The following PCDHA11 variants were observed in gnomAD, a reference collection of about 807,000 sequenced individuals.
PCDHA11 encodes the protein protocadherin alpha-11.
In PCDHA11, 61 loss-of-function variants were observed where a neutral mutation model predicts 70.3. The ratio of observed to expected loss-of-function variants is 0.87; its 90% CI spans 0.71 to 1.07. The LOEUF is 1.07. Ranked by LOEUF, PCDHA11 falls within the 50% of genes least tolerant of loss-of-function variation. PCDHA11 has a pLI of 0.00. For synonymous variants in PCDHA11, 633 were observed against 555.1 expected (o/e 1.14, Z -1.97); for missense variants, 1,324 against 1,237.5 (o/e 1.07, Z -1.05).
intron 1 of PCDHA11, among the ~76,000 whole-genome samples, chr5:140,924,240 G>T (rs1554201838): frequency 2.6e-5 from 4 of 152,186 alleles, no homozygotes; most frequent in Non-Finnish European, 5.9e-5. Flanking sequence ...GGGCTGTTTT[G>T]CATCCTGGTG....
intron 1 of PCDHA11, among the ~76,000 whole-genome samples, chr5:140,962,883 T>C (rs570394633): frequency 5.6e-4 from 86 of 152,222 alleles, no homozygotes; most frequent in Non-Finnish European, 1.0e-3. Flanking sequence ...ATACATGAAT[T>C]AAAAAATGAA....
intron 3 of PCDHA11, among the ~76,000 whole-genome samples, chr5:140,996,644 A>G (rs2097736322): frequency 6.6e-6 from 1 of 152,144 alleles, no homozygotes; most frequent in Non-Finnish European, 1.5e-5. Flanking sequence ...TATGTAGTTA[A>G]TCCTGGGTGC....
chr5:140,908,998 C>G (rs2074255436), intron 1 of PCDHA11, among the ~76,000 whole-genome samples: 1 of 152,156 alleles, frequency 6.6e-6, no homozygotes, highest in South Asian at 2.1e-4. Flanking sequence ...AGAAATTTTA[C>G]TGAGGTAGAA....
At chr5:140,998,977 ATAG>A (rs2097842205) in intron 3 of PCDHA11, among the ~76,000 whole-genome samples, 1 of 152,242 alleles carries the variant, frequency 6.6e-6, no homozygotes, top group African/African-American at 2.4e-5. Flanking sequence ...ATCCTAGAAA[ATAG>A]TAGAAAGCAG....
chr5:141,002,917 T>C (rs572461368), intron 3 of PCDHA11, among the ~76,000 whole-genome samples: 1 of 152,310 alleles, frequency 6.6e-6, no homozygotes, highest in East Asian at 1.9e-4. Context: ...ATCAGAAAAG[T>C]GAACACCCTC....
intron 1 of PCDHA11, among the ~76,000 whole-genome samples, chr5:140,977,306 C>T (rs995052680): frequency 6.6e-6 from 1 of 152,150 alleles, no homozygotes; most frequent in African/African-American, 2.4e-5. Context: ...GACAAGCTAA[C>T]GATAGTGCTC....
At chr5:140,910,690 G>T (rs2153515620) in intron 1 of PCDHA11, among the ~76,000 whole-genome samples, 1 of 152,224 alleles carries the variant, frequency 6.6e-6, no homozygotes, top group African/African-American at 2.4e-5. Context: ...GGCATTTCCA[G>T]CTTGCTCACA....
chr5:140,877,844 G>A lies in PCDHA11; in HGVS notation c.2391+6350G>A, dbSNP rs945643108. The A allele has an allele frequency of 5.1e-6, 8 of 1,568,656 alleles. No homozygotes were observed. In the African/African-American group the frequency reaches 8.3e-5, roughly 16 times the overall value. ...TGTTTAAATCCTCCCAGTGAAGTAA[G>A]TTATTAATATTATTTAGATATATTT... On this transcript the variant is annotated intron_variant, in intron 1 of 3. Coordinates refer to ENST00000398640, the MANE Select transcript of PCDHA11 (RefSeq NM_018902.5).
At chr5:140,976,894 CAGT>C (rs1199753516) in intron 1 of PCDHA11, among the ~76,000 whole-genome samples, 1 of 152,132 alleles carries the variant, frequency 6.6e-6, no homozygotes, top group African/African-American at 2.4e-5. Context: ...ATACATGCAA[CAGT>C]ATGTAATAAA....
intron 1 of PCDHA11, among the ~76,000 whole-genome samples, chr5:140,977,949 G>A (rs919613337): frequency 2.6e-5 from 4 of 152,036 alleles, no homozygotes; most frequent in Admixed American, 6.6e-5. Context: ...TTCAGTGACA[G>A]GGCCACCTCA....
chr5:140,943,998 G>C (rs2093593066), intron 1 of PCDHA11, among the ~76,000 whole-genome samples: 1 of 152,178 alleles, frequency 6.6e-6, no homozygotes, highest in Non-Finnish European at 1.5e-5. Context: ...CAGAACTACT[G>C]AGTACCCCCC....
intron 1 of PCDHA11, among the ~76,000 whole-genome samples, chr5:140,900,319 C>T (rs1032725241): frequency 3.3e-5 from 5 of 152,046 alleles, no homozygotes; most frequent in Non-Finnish European, 7.3e-5. Flanking sequence ...CTTTTGTCGC[C>T]CAGGCTGGAG....
chr5:140,947,569 A>G (rs2094145868), intron 1 of PCDHA11, among the ~76,000 whole-genome samples: 1 of 151,666 alleles, frequency 6.6e-6, no homozygotes. Flanking sequence ...TATATTGGGA[A>G]TGTTTTTAAC....
At chr5:140,876,388 G>A in intron 1 of PCDHA11, 2 of 1,613,896 alleles carry the variant, frequency 1.2e-6, no homozygotes, top group Non-Finnish European at 1.7e-6. Context: ...TAGAATTTAT[G>A]GTGAACTGGA....
intron 3 of PCDHA11, among the ~76,000 whole-genome samples, chr5:140,999,645 G>C (rs1417751593): frequency 6.6e-6 from 1 of 152,156 alleles, no homozygotes; most frequent in Non-Finnish European, 1.5e-5. Context: ...AAACTGTGCA[G>C]CCTGAGCCCT....
In PCDHA11 at chr5:141,010,461, G is replaced by A; in HGVS notation, c.*524G>A. The A allele has an allele frequency of 1.2e-6, 1 of 823,014 alleles. No homozygotes were observed. The highest frequency in any genetic ancestry group is 1.8e-6 in the Non-Finnish European group (1 of 553,022). The allele number at this position is 823,014 out of a possible 1,614,324, so 51.0% of individuals were successfully genotyped here. A position where few individuals can be genotyped will look rare whatever the true frequency, so the allele number is the denominator to read the frequency against. On this transcript the variant is annotated 3_prime_UTR_variant, in exon 4 of 4. Transcript: ENST00000398640. ...GACAAATAAACAGCGGAAGTTATCA[G>A]TATGGAGGGGAAGTGTAAACTTAAA...
In PCDHA11 at chr5:140,994,514, G is replaced by A. The variant is rs186617066; in HGVS notation, c.2539+11951G>A. On this transcript the variant is annotated intron_variant, in intron 3 of 3. Transcript: ENST00000398640. Reference sequence around the variant, plus strand: ...ACCCAGGAGTTTGAGAACAGCCTGGGCAACATGGCAAAACCCCATCTCTAC... The same window carrying A: ...ACCCAGGAGTTTGAGAACAGCCTGGACAACATGGCAAAACCCCATCTCTAC... Among the ~76,000 whole-genome samples, 76 of 150,406 alleles carry A rather than the reference G, an allele frequency of 5.1e-4. 1 individual carries two copies. The highest frequency in any genetic ancestry group is 8.8e-5 in the Non-Finnish European group (6 of 67,822).
At chr5:140,943,826 GA>G (rs1186583699) in intron 1 of PCDHA11, among the ~76,000 whole-genome samples, 5 of 152,198 alleles carry the variant, frequency 3.3e-5, no homozygotes, top group African/African-American at 1.2e-4. Flanking sequence ...AAAATGAGTT[GA>G]TTGAAGTTGT....
intron 1 of PCDHA11, among the ~76,000 whole-genome samples, chr5:140,961,545 C>A (rs1486984950): frequency 6.6e-6 from 1 of 152,146 alleles, no homozygotes; most frequent in Non-Finnish European, 1.5e-5. Flanking sequence ...GTTCCTGCAG[C>A]ATTTCTTTTT....
Sources: allele counts gnomAD v4.1 joint callset (sites outside exome capture counted in the v4.1 genomes callset), GRCh38; gene constraint gnomAD v4.1.1; transcripts MANE v1.5; gene names NCBI Gene and HGNC (gene_info 2026-07-23, HGNC 2026-07-21).